FHIT: variants seen among roughly 807,000 people sequenced by gnomAD.
The protein encoded by FHIT is bis(5'-adenosyl)-triphosphatase.
A neutral mutation model predicts 17.9 loss-of-function variants in FHIT; 19 were observed. That is an observed-to-expected ratio of 1.06 (90% CI 0.74 to 1.56). The LOEUF is 1.56. Among genes scored for constraint, FHIT ranks in the 40% most tolerant of loss-of-function variants. The pLI is 0.00. For missense variants in FHIT, 248 were observed against 189.2 expected (o/e 1.31, Z -1.82); for synonymous variants, 81 against 69.7 (o/e 1.16, Z -0.81).
chr3:60,334,834 A>T (rs1226012672), intron 5 of FHIT, among the ~76,000 whole-genome samples: 1 of 152,248 alleles, frequency 6.6e-6, no homozygotes, highest in Non-Finnish European at 1.5e-5. Context: ...CTATATATTG[A>T]TTAAACGAAC....
intron 5 of FHIT, among the ~76,000 whole-genome samples, chr3:60,080,544 C>T (rs1052466369): frequency 4.6e-5 from 7 of 152,026 alleles, no homozygotes; most frequent in African/African-American, 1.7e-4. Flanking sequence ...TCTTTATTCA[C>T]CAAACATTTA....
chr3:60,666,017 C>A (rs2040374400), intron 4 of FHIT, among the ~76,000 whole-genome samples: 1 of 152,142 alleles, frequency 6.6e-6, no homozygotes. Context: ...CAACATTTAA[C>A]TAGTTTGAAA....
intron 3 of FHIT, among the ~76,000 whole-genome samples, chr3:60,845,693 A>G (rs1702903813): frequency 6.6e-6 from 1 of 152,164 alleles, no homozygotes; most frequent in Non-Finnish European, 1.5e-5. Context: ...AGTTACCTTT[A>G]CATGTCATAA....
chr3:59,969,898 C>G (rs1296293649), intron 7 of FHIT, among the ~76,000 whole-genome samples: 1 of 152,018 alleles, frequency 6.6e-6, no homozygotes, highest in Non-Finnish European at 1.5e-5. Flanking sequence ...AGTTAACTGG[C>G]CTTGGGAATT....
chr3:60,664,757 A>G (rs2040343788), intron 4 of FHIT, among the ~76,000 whole-genome samples: 1 of 150,406 alleles, frequency 6.6e-6, no homozygotes, highest in Non-Finnish European at 1.5e-5. Context: ...TGTTCGTTGA[A>G]TATATGAGTG....
intron 5 of FHIT, among the ~76,000 whole-genome samples, chr3:60,407,920 A>T (rs758150993): frequency 6.6e-6 from 1 of 152,192 alleles, no homozygotes; most frequent in Non-Finnish European, 1.5e-5. Context: ...AATAAAATGA[A>T]GAGTATCACA....
intron 5 of FHIT, among the ~76,000 whole-genome samples, chr3:60,173,915 A>ATATATATATATATATATATATAT: frequency 1.5e-5 from 1 of 66,434 alleles, no homozygotes; most frequent in Non-Finnish European, 2.8e-5. Flanking sequence ...ATATATATAT[A>ATATATATATATATATATATATAT]TGTTTTTTTT....
At chr3:61,050,894 T>C (rs11130814) in intron 2 of FHIT, among the ~76,000 whole-genome samples, 1 of 152,098 alleles carries the variant, frequency 6.6e-6, no homozygotes, top group Admixed American at 6.5e-5. Context: ...CCCTCCTTTG[T>C]GTCATCAAGT....
chr3:61,214,894 CA>C (rs1239968426), intron 1 of FHIT, among the ~76,000 whole-genome samples: 1 of 152,022 alleles, frequency 6.6e-6, no homozygotes, highest in Non-Finnish European at 1.5e-5. Flanking sequence ...TAAACAGAGC[CA>C]AAGACAAAAA....
chr3:59,940,971 A>G (rs1706486255), intron 7 of FHIT, among the ~76,000 whole-genome samples: 1 of 152,076 alleles, frequency 6.6e-6, no homozygotes, highest in African/African-American at 2.4e-5. Context: ...GCATTTATTC[A>G]CTTTTTCATT....
chr3:60,871,709 A>G (rs1380344818), intron 3 of FHIT, among the ~76,000 whole-genome samples: 1 of 152,066 alleles, frequency 6.6e-6, no homozygotes, highest in Non-Finnish European at 1.5e-5. Flanking sequence ...TCATGGCTCA[A>G]TGTAGCCTTG....
At chr3:60,957,233 CTTTTTTTTTT>C (rs35221092) in intron 3 of FHIT, among the ~76,000 whole-genome samples, 19 of 97,152 alleles carry the variant, frequency 2.0e-4, no homozygotes, top group Non-Finnish European at 3.4e-4. Context: ...TTCTTTCTTT[CTTTTTTTTTT>C]TTTTTTTTTT....
intron 5 of FHIT, among the ~76,000 whole-genome samples, chr3:60,265,321 A>G (rs542722368): frequency 6.6e-6 from 1 of 152,184 alleles, no homozygotes; most frequent in South Asian, 2.1e-4. Context: ...AAGCAAACAG[A>G]GAAAGAGTAG....
chr3:60,060,553 C>T (rs7627449), intron 5 of FHIT, among the ~76,000 whole-genome samples: 4,837 of 152,228 alleles, frequency 0.032, 244 homozygotes, highest in African/African-American at 0.11. Flanking sequence ...GGAAATGGTT[C>T]TGCAGTTTCT....
At chr3:60,434,832 G>A (rs907798843) in intron 5 of FHIT, among the ~76,000 whole-genome samples, 1 of 151,944 alleles carries the variant, frequency 6.6e-6, no homozygotes, top group African/African-American at 2.4e-5. Flanking sequence ...TTTACCCATT[G>A]CTGCCCACCC....
chr3:61,095,852 G>C (rs1559977612), intron 2 of FHIT, among the ~76,000 whole-genome samples: 1 of 152,100 alleles, frequency 6.6e-6, no homozygotes, highest in Non-Finnish European at 1.5e-5. Context: ...TAGAATTCTG[G>C]GTAACAGATT....
intron 4 of FHIT, among the ~76,000 whole-genome samples, chr3:60,699,506 C>T (rs2041190057): frequency 6.6e-6 from 1 of 151,908 alleles, no homozygotes; most frequent in Non-Finnish European, 1.5e-5. Flanking sequence ...ATAACTCTTC[C>T]TTTGTGAATC....
At chr3:59,846,854 G>A (rs1026722264) in intron 8 of FHIT, among the ~76,000 whole-genome samples, 2 of 151,926 alleles carry the variant, frequency 1.3e-5, no homozygotes, top group African/African-American at 2.4e-5. Flanking sequence ...TGTTGGATAC[G>A]TGATTATTGG....
intron 5 of FHIT, among the ~76,000 whole-genome samples, chr3:60,227,684 G>A (rs368254508): frequency 6.6e-6 from 1 of 152,092 alleles, no homozygotes; most frequent in Non-Finnish European, 1.5e-5. Context: ...CAAGGCCATT[G>A]GATAAAAACA....
Sources: allele counts gnomAD v4.1 joint callset (sites outside exome capture counted in the v4.1 genomes callset), GRCh38; gene constraint gnomAD v4.1.1; transcripts MANE v1.5; gene names NCBI Gene and HGNC (gene_info 2026-07-23, HGNC 2026-07-21).